The following SLC39A11 variants were observed in gnomAD, a reference collection of about 807,000 sequenced individuals.
SLC39A11 encodes the protein zinc transporter ZIP11.
SLC39A11 carries 33 observed loss-of-function variants against 36.1 expected under a neutral mutation model. The observed-to-expected ratio is 0.91, with a 90% confidence interval of 0.69 to 1.22. SLC39A11 has a LOEUF of 1.22. SLC39A11 is among the 50% of genes most tolerant of loss of function. SLC39A11 has a pLI of 0.00. For synonymous variants in SLC39A11, 166 were observed against 170.3 expected (o/e 0.97, Z 0.20); for missense variants, 432 against 430.3 (o/e 1.00, Z -0.03).
At chr17:72,652,012 C>T (rs1048037070) in intron 7 of SLC39A11, among the ~76,000 whole-genome samples, 1 of 152,214 alleles carries the variant, frequency 6.6e-6, no homozygotes, top group East Asian at 1.9e-4. Context: ...GGGCAGCAAA[C>T]TTTTTCTGTC....
At position 72,911,272 on chromosome 17, in the gene SLC39A11, G is replaced by C. The variant is rs577147244; in HGVS notation, c.430+36480C>G. On this transcript the variant is annotated intron_variant, in intron 5 of 9. Coordinates refer to ENST00000255559, the MANE Select transcript of SLC39A11 (RefSeq NM_139177.4). The stretch of plus-strand genomic sequence containing the variant: ...CACACACCGGGGCCTGTTGTGGGGT[G>C]GAGGAAGGGGGGAAGGATAGCATTA... Among the ~76,000 whole-genome samples the C allele has an allele frequency of 2.1e-3, 312 of 152,134 alleles. 1 individual carries two copies. Among genetic ancestry groups the C allele is most frequent in the Middle Eastern group, 6.8e-3 (2 of 294 alleles).
chr17:72,864,599 C>G (rs2080210899), intron 5 of SLC39A11, among the ~76,000 whole-genome samples: 1 of 152,146 alleles, frequency 6.6e-6, no homozygotes, highest in Non-Finnish European at 1.5e-5. Context: ...TCGATCCTAG[C>G]CACTATTTCT....
chr17:72,828,457 T>G (rs1283659273), intron 6 of SLC39A11, among the ~76,000 whole-genome samples: 2 of 152,172 alleles, frequency 1.3e-5, no homozygotes, highest in African/African-American at 2.4e-5. Flanking sequence ...CCAGAAAGCA[T>G]GGCCACAGTA....
intron 7 of SLC39A11, among the ~76,000 whole-genome samples, chr17:72,675,544 C>G (rs1347380193): frequency 6.6e-6 from 1 of 152,234 alleles, no homozygotes; most frequent in African/African-American, 2.4e-5. Flanking sequence ...CGTGGCTTCT[C>G]TATGACAAGA....
At position 72,807,451 on chromosome 17, in the gene SLC39A11, G is replaced by A. The variant is rs2077295083; in HGVS notation, c.601+42183C>T. Among the ~76,000 whole-genome samples the A allele has an allele frequency of 2.0e-5, 3 of 152,156 alleles. No individual in the cohort carries two copies. In the South Asian group the frequency reaches 6.2e-4, roughly 32 times the overall value. The stretch of plus-strand genomic sequence containing the variant: ...TTAACACCCGAGTTTATGCTAATAA[G>A]GTGACTAACTTGAGGTAGGCCCCTA... On this transcript the variant is annotated intron_variant, in intron 6 of 9. Coordinates refer to ENST00000255559, the MANE Select transcript of SLC39A11 (RefSeq NM_139177.4).
At chr17:72,759,475 G>C (rs1471554837) in intron 6 of SLC39A11, among the ~76,000 whole-genome samples, 3 of 152,200 alleles carry the variant, frequency 2.0e-5, no homozygotes, top group Admixed American at 6.5e-5. Flanking sequence ...TTTCCTTAAA[G>C]CTTTTGATTG....
intron 4 of SLC39A11, among the ~76,000 whole-genome samples, chr17:72,956,355 G>A (rs1298748579): frequency 6.6e-6 from 1 of 152,172 alleles, no homozygotes; most frequent in Admixed American, 6.6e-5. Flanking sequence ...CAGCTCTGCA[G>A]AGACACAGCT....
At chr17:73,027,778 C>A (rs1477618530) in intron 4 of SLC39A11, among the ~76,000 whole-genome samples, 1 of 152,190 alleles carries the variant, frequency 6.6e-6, no homozygotes, top group African/African-American at 2.4e-5. Context: ...CGCTCCCAGG[C>A]ATTGGGGCCT....
At chr17:73,080,945 A>G (rs1031879161) in intron 3 of SLC39A11, among the ~76,000 whole-genome samples, 9 of 134,704 alleles carry the variant, frequency 6.7e-5, no homozygotes, top group African/African-American at 2.6e-4. Context: ...GCTCCATGTC[A>G]AAAAACAATA....
chr17:72,747,958 T>C (rs1012821198), intron 6 of SLC39A11, among the ~76,000 whole-genome samples: 1 of 152,188 alleles, frequency 6.6e-6, no homozygotes, highest in Non-Finnish European at 1.5e-5. Flanking sequence ...GCTATTTATA[T>C]TGGAAAAAGA....
intron 3 of SLC39A11, among the ~76,000 whole-genome samples, chr17:73,051,206 A>C (rs1249016581): frequency 6.6e-6 from 1 of 151,954 alleles, no homozygotes; most frequent in Non-Finnish European, 1.5e-5. Flanking sequence ...CACTCCAGTC[A>C]CCCGGCCACC....
chr17:72,794,175 A>C (rs1308641296), intron 6 of SLC39A11, among the ~76,000 whole-genome samples: 71 of 152,154 alleles, frequency 4.7e-4, no homozygotes, highest in Non-Finnish European at 2.9e-5. Context: ...TACACAGCTC[A>C]CAATGGGTCC....
chr17:72,679,516 A>G (rs4793477), intron 7 of SLC39A11, among the ~76,000 whole-genome samples: 73,328 of 152,158 alleles, frequency 0.48, 17,886 homozygotes, highest in Admixed American at 0.53. Flanking sequence ...TGCAGGAGGA[A>G]GGCAGCAGCT....
chr17:72,772,869 A>C (rs900985450), intron 6 of SLC39A11, among the ~76,000 whole-genome samples: 4 of 152,182 alleles, frequency 2.6e-5, no homozygotes, highest in Non-Finnish European at 5.9e-5. Context: ...GGATCACCTG[A>C]GGTCAGGAGT....
chr17:72,952,490 G>A (rs1169670241), intron 4 of SLC39A11, among the ~76,000 whole-genome samples: 1 of 152,142 alleles, frequency 6.6e-6, no homozygotes. Flanking sequence ...CTGCTGCCAT[G>A]GAGCCCCATC....
At chr17:72,912,209 T>C (rs16977432) in intron 5 of SLC39A11, among the ~76,000 whole-genome samples, 77,663 of 151,608 alleles carry the variant, frequency 0.51, 19,866 homozygotes, top group African/African-American at 0.54. Flanking sequence ...AATCTCCTCA[T>C]CTCTAGCCAG....
rs1315329719 is a variant in SLC39A11 at position 72,775,783 on chromosome 17, G to A, written c.602-39064C>T. 1.3e-5 allele frequency among the ~76,000 whole-genome samples: 2 copies of A among 152,158 alleles called. 1 individual carries two copies. Among genetic ancestry groups the A allele is most frequent in the South Asian group, 4.1e-4 (2 of 4,830 alleles). On this transcript the variant is annotated intron_variant, in intron 6 of 9. Transcript: ENST00000255559. ...CAGATTCCCTTCTCTGGGGTCCAGC[G>A]ATTGAAGAACCTACCACAGAGCTGG...
At chr17:73,004,120 A>AG (rs1568104735) in intron 4 of SLC39A11, among the ~76,000 whole-genome samples, 38 of 145,742 alleles carry the variant, frequency 2.6e-4, no homozygotes, top group East Asian at 2.0e-4. Flanking sequence ...GAGAGAGAGA[A>AG]AGAAAGAAAG....
intron 4 of SLC39A11, among the ~76,000 whole-genome samples, chr17:73,020,626 C>T (rs1208529822): frequency 6.6e-6 from 1 of 151,610 alleles, no homozygotes; most frequent in Non-Finnish European, 1.5e-5. Flanking sequence ...CCCCAGGGGA[C>T]CATGTGAGAG....
Sources: allele counts gnomAD v4.1 joint callset (sites outside exome capture counted in the v4.1 genomes callset), GRCh38; gene constraint gnomAD v4.1.1; transcripts MANE v1.5; gene names NCBI Gene and HGNC (gene_info 2026-07-23, HGNC 2026-07-21).